The following ECT2L variants were observed in gnomAD, a reference collection of about 807,000 sequenced individuals.
The protein encoded by ECT2L is epithelial cell transforming 2 like, also known as epithelial cell-transforming sequence 2 oncogene-like.
Under a neutral mutation model 122.8 loss-of-function variants are expected in ECT2L, and 126 were observed. That is an observed-to-expected ratio of 1.03 (90% CI 0.89 to 1.19). The LOEUF (loss-of-function observed/expected upper bound fraction) is 1.19. ECT2L is among the 50% of genes most tolerant of loss of function. The pLI is 0.00. For missense variants in ECT2L, 1,012 were observed against 1,064.1 expected, an observed-to-expected ratio of 0.95 and a Z score of 0.68; for synonymous variants, 385 against 381.8, an observed-to-expected ratio of 1.01 and a Z score of -0.10.
chr6:138,862,629 G>T lies in ECT2L; in HGVS notation c.1201G>T (p.Ala401Ser), dbSNP rs1425648527. The T allele has an allele frequency of 1.2e-6, 2 of 1,614,030 alleles. No homozygotes were observed. The highest frequency in any genetic ancestry group is 4.5e-5 in the East Asian group (2 of 44,878). The change falls in exon 11 of 22, where the codon GCA becomes TCA. Residue 401 changes from alanine to serine, a missense_variant and splice_region_variant. By Grantham distance (99) the Ala-to-Ser change is moderately conservative (BLOSUM62 1). Transcript: ENST00000541398. ...DFFVPLGASE[A>S]GIEVLSQLSQ... ...CGAAAGTGTTTTTGACTATGCAGAG[G>T]CAGGAATTGAAGTTCTTTCCCAGCT...
At chr6:138,860,637 C>T (rs1436204259) in intron 10 of ECT2L, among the ~76,000 whole-genome samples, 2 of 151,256 alleles carry the variant, frequency 1.3e-5, no homozygotes, top group Non-Finnish European at 2.9e-5. Context: ...TTACCCATTT[C>T]ATTCCAAGTA....
intron 5 of ECT2L, among the ~76,000 whole-genome samples, chr6:138,841,502 G>T (rs1777038948): frequency 6.6e-6 from 1 of 152,198 alleles, no homozygotes; most frequent in Non-Finnish European, 1.5e-5. Context: ...TTCCTGAAAA[G>T]AATCTTAACT....
chr6:138,834,935 A>ACACACACACACACT (rs5880405), intron 4 of ECT2L, among the ~76,000 whole-genome samples: 67 of 142,864 alleles, frequency 4.7e-4, no homozygotes, highest in Admixed American at 4.1e-3. Context: ...ACACACACAC[A>ACACACACACACACT]CTCTCATTCT....
At position 138,903,987 on chromosome 6, in the gene ECT2L, T is replaced by C. The variant is rs187735377; in HGVS notation, c.*1360T>C. On this transcript the variant is annotated 3_prime_UTR_variant, in exon 22 of 22. Transcript: ENST00000541398. Reference sequence around the variant, plus strand: ...CAAAATCTTCTATTTCTTAAAACTTTAAATCTTGTTAAAAAGATGAACAAA... The same window carrying C: ...CAAAATCTTCTATTTCTTAAAACTTCAAATCTTGTTAAAAAGATGAACAAA... 1.3e-5 allele frequency: 2 copies of C among 152,312 alleles called. No homozygotes were observed. Among genetic ancestry groups the C allele is most frequent in the Admixed American group, 1.3e-4 (2 of 15,300 alleles). The allele number at this position is 152,312 out of a possible 1,614,324, so 9.4% of individuals were successfully genotyped here. A position where few individuals can be genotyped will look rare whatever the true frequency, so the allele number is the denominator to read the frequency against.
chr6:138,818,133 C>A (rs1157160783), intron 4 of ECT2L, among the ~76,000 whole-genome samples: 1 of 152,100 alleles, frequency 6.6e-6, no homozygotes, highest in East Asian at 1.9e-4. Flanking sequence ...TGCAGCTTTC[C>A]TGGATGGGTG....
At chr6:138,888,802 A>G (rs1778918446) in intron 19 of ECT2L, 141 bp from the exon 20 acceptor site, 2 of 341,258 alleles carry the variant, frequency 5.9e-6, no homozygotes, top group Non-Finnish European at 1.0e-5. Flanking sequence ...CTGTTTCATA[A>G]ACAGTGAAAA....
At position 138,861,364 on chromosome 6, in the gene ECT2L, A is replaced by G. The variant is rs375368583; in HGVS notation, c.1199-1263A>G. On this transcript the variant is annotated intron_variant, in intron 10 of 21. Coordinates refer to ENST00000541398, the MANE Select transcript of ECT2L (RefSeq NM_001077706.3). ...CCACCAACAATGGAAAAGTATTCCT[A>G]TTTCTCCACAGCCTCGCCAGCATCT... Among the ~76,000 whole-genome samples, 55 of 152,218 alleles carry G rather than the reference A, an allele frequency of 3.6e-4. No individual in the cohort carries two copies. The South Asian group carries it at 0.011, about 30-fold the overall frequency.
rs1421976631 is a variant in ECT2L at position 138,865,051 on chromosome 6, C to A, written c.1347C>A (p.Phe449Leu). Residue 449 changes from phenylalanine (F) to leucine (L), a missense_variant, in exon 12 of 22, where the codon TTC becomes TTA. Coordinates refer to ENST00000541398, the MANE Select transcript of ECT2L (RefSeq NM_001077706.3). ...GAAAGGCCCCCTCTTCCATCTACTT[C>A]TGCGAATCGAAGCTACAGACGTGGT... ...QWGKAPSSIY[F>L]CESKLQTWSS... 1 of 1,614,086 alleles carries A rather than the reference C, an allele frequency of 6.2e-7. No individual in the cohort carries two copies.
At chr6:138,885,361 A>T (rs912254915) in intron 16 of ECT2L, 145 bp from the exon 17 acceptor site, 7 of 710,440 alleles carry the variant, frequency 9.9e-6, no homozygotes, top group African/African-American at 1.8e-5. Flanking sequence ...GAAGACACCA[A>T]TGGCACTACT....
chr6:138,868,607 C>T (rs569321642), intron 13 of ECT2L, among the ~76,000 whole-genome samples: 11 of 151,304 alleles, frequency 7.3e-5, no homozygotes, highest in East Asian at 1.9e-4. Flanking sequence ...GAAAAGATGA[C>T]GGGAAAAGGG....
chr6:138,899,439 T>TTGTGTGTGTG (rs60379586), intron 20 of ECT2L, among the ~76,000 whole-genome samples: 54 of 149,534 alleles, frequency 3.6e-4, no homozygotes, highest in African/African-American at 1.3e-3. Context: ...TGTACATAGA[T>TTGTGTGTGTG]TGTGTGTGTG....
At chr6:138,892,264 CATTTCTGTTATATTT>C (rs1341890451) in intron 20 of ECT2L, among the ~76,000 whole-genome samples, 1 of 152,144 alleles carries the variant, frequency 6.6e-6, no homozygotes. Flanking sequence ...CAAAGGCATT[CATTTCTGTTATATTT>C]ATTTCTGGTA....
intron 13 of ECT2L, among the ~76,000 whole-genome samples, chr6:138,869,425 G>C (rs904802380): frequency 6.6e-6 from 1 of 152,052 alleles, no homozygotes; most frequent in Non-Finnish European, 1.5e-5. Context: ...TGGCTTCCTG[G>C]GTCTGCACCA....
At chr6:138,813,652 G>A (rs1583547901) in intron 3 of ECT2L, among the ~76,000 whole-genome samples, 1 of 152,102 alleles carries the variant, frequency 6.6e-6, no homozygotes, top group South Asian at 2.1e-4. Flanking sequence ...TTGGTGGTGG[G>A]GGCTGGGAGT....
chr6:138,899,073 T>C (rs909784795), intron 20 of ECT2L, among the ~76,000 whole-genome samples: 1 of 152,014 alleles, frequency 6.6e-6, no homozygotes, highest in Non-Finnish European at 1.5e-5. Context: ...TCAGGAATTG[T>C]ATCTGACAGA....
chr6:138,864,624 C>T (rs941995896), intron 11 of ECT2L, among the ~76,000 whole-genome samples: 1 of 152,112 alleles, frequency 6.6e-6, no homozygotes. Context: ...ATGGGGAAGC[C>T]GTGTAGCGTG....
intron 12 of ECT2L, among the ~76,000 whole-genome samples, chr6:138,866,519 A>G (rs12215577): frequency 0.31 from 47,001 of 151,382 alleles, 7,676 homozygotes; most frequent in Admixed American, 0.4. Flanking sequence ...CCAAAGTGCT[A>G]GGATTACAGG....
chr6:138,881,000 T>C lies in ECT2L; in HGVS notation c.1709T>C (p.Val570Ala), dbSNP rs138935097. The C allele has an allele frequency of 7.0e-3, 11,241 of 1,613,934 alleles. 53 individuals are homozygous for C. The highest frequency in any genetic ancestry group is 8.7e-3 in the Non-Finnish European group (10,224 of 1,179,942). ...QKDSAEKRAR[V>A]VRELLQSERK... ...GACTCAGCAGAAAAGCGAGCTAGAG[T>C]TGTCAGAGAACTCTTACAGAGTGAG... The change falls in exon 15 of 22, where the codon GTT becomes GCT. Residue 570 changes from valine (V) to alanine (A), a missense_variant. Transcript: ENST00000541398.
chr6:138,843,099 C>A lies in ECT2L; in HGVS notation c.463C>A (p.Leu155Met), dbSNP rs1433530064. The A allele has an allele frequency of 6.2e-7, 1 of 1,614,070 alleles. No individual in the cohort carries two copies. Among genetic ancestry groups the A allele is most frequent in the South Asian group, 1.1e-5 (1 of 91,070 alleles). Residue 155 changes from leucine (L) to methionine (M), a missense_variant, in exon 6 of 22, where the codon CTG becomes ATG. Leu to Met is a conservative substitution (Grantham distance 15). Coordinates refer to ENST00000541398, the MANE Select transcript of ECT2L (RefSeq NM_001077706.3). ...YIACVSHLDWLTPREAAATYG... is the reference protein window; with the variant it reads ...YIACVSHLDWMTPREAAATYG... ...TGCTTGTGTGTCCCACTTAGACTGG[C>A]TGACACCTAGGGAGGCTGCTGCTAC...
Sources: allele counts gnomAD v4.1 joint callset (sites outside exome capture counted in the v4.1 genomes callset), GRCh38; gene constraint gnomAD v4.1.1; transcripts MANE v1.5; gene names NCBI Gene and HGNC (gene_info 2026-07-23, HGNC 2026-07-21).